The following SNTG2 variants were observed in gnomAD, a reference collection of about 807,000 sequenced individuals.
The protein encoded by SNTG2 is gamma-2-syntrophin.
In SNTG2, 74 loss-of-function variants were observed where a neutral mutation model predicts 70.9. The ratio of observed to expected loss-of-function variants is 1.04; its 90% CI spans 0.86 to 1.27. SNTG2 has a LOEUF of 1.27. Among genes scored for constraint, SNTG2 ranks in the 50% most tolerant of loss-of-function variants. The probability of loss-of-function intolerance (pLI) is 0.00; values close to 1 mark genes in which losing one functional copy is unlikely to be tolerated. For synonymous variants in SNTG2, 278 were observed against 273.8 expected, an observed-to-expected ratio of 1.02 and a Z score of -0.15; for missense variants, 717 against 690.7, an observed-to-expected ratio of 1.04 and a Z score of -0.43.
chr2:1,221,995 G>GCCTA (rs1255125393), intron 9 of SNTG2, among the ~76,000 whole-genome samples: 1 of 2,124 alleles, frequency 4.7e-4, no homozygotes, highest in African/African-American at 8.1e-4. Flanking sequence ...CTCTGTCTCT[G>GCCTA]TCTCTGTCTC....
chr2:1,071,698 T>A (rs1190873791), intron 1 of SNTG2, among the ~76,000 whole-genome samples: 1 of 150,550 alleles, frequency 6.6e-6, no homozygotes, highest in Admixed American at 6.6e-5. Context: ...GGTGTCGTGT[T>A]GAATGCTTAG....
rs776775134 is a variant in SNTG2, at chr2:1,354,442, GA to G, written c.1489-12899del. 9.3e-5 allele frequency among the ~76,000 whole-genome samples: 5 copies of G among 53,798 alleles called. 1 individual carries two copies. Among genetic ancestry groups the G allele is most frequent in the African/African-American group, 5.1e-4 (5 of 9,886 alleles). The allele number at this position is 53,798 out of a possible 152,430, so 35.3% of individuals were successfully genotyped here. On this transcript the variant is annotated intron_variant, in intron 16 of 16. Transcript: ENST00000308624. ...ATACGTTTCCATGGGGGAAGTGGAA[GA>G]ACGCCGGGCTGGAGCTCAGGGACTG...
At chr2:1,100,966 G>A (rs1248429943) in intron 4 of SNTG2, among the ~76,000 whole-genome samples, 3 of 151,940 alleles carry the variant, frequency 2.0e-5, no homozygotes, top group Admixed American at 6.6e-5. Context: ...GTGCCCTCCC[G>A]AGCCTCATCC....
At chr2:1,156,789 G>C (rs1245722453) in intron 6 of SNTG2, among the ~76,000 whole-genome samples, 1 of 152,110 alleles carries the variant, frequency 6.6e-6, no homozygotes, top group African/African-American at 2.4e-5. Context: ...CCCTGCCTGC[G>C]TGGGGGTAGG....
intron 1 of SNTG2, among the ~76,000 whole-genome samples, chr2:1,063,725 A>G (rs1462228419): frequency 1.3e-5 from 2 of 152,234 alleles, no homozygotes; most frequent in African/African-American, 4.8e-5. Flanking sequence ...TTGAAGATAG[A>G]TCAATCACAT....
At chr2:1,069,668 G>A (rs992425881) in intron 1 of SNTG2, among the ~76,000 whole-genome samples, 5 of 152,064 alleles carry the variant, frequency 3.3e-5, no homozygotes, top group Admixed American at 3.3e-4. Flanking sequence ...ACACGTGCCT[G>A]TAGTTCCAGC....
intron 1 of SNTG2, among the ~76,000 whole-genome samples, chr2:1,056,963 A>C (rs1662494642): frequency 1.4e-5 from 1 of 69,040 alleles, no homozygotes; most frequent in African/African-American, 6.0e-5. Flanking sequence ...GTGGGGAGGG[A>C]GGGAGGGAGA....
At chr2:1,194,619 G>A (rs914984886) in intron 8 of SNTG2, among the ~76,000 whole-genome samples, 9 of 152,056 alleles carry the variant, frequency 5.9e-5, no homozygotes, top group African/African-American at 2.2e-4. Flanking sequence ...CATTATGTTT[G>A]TGCTGATTAT....
At chr2:951,178 C>G in intron 1 of SNTG2, 110 bp downstream of exon 1, 1 of 508,512 alleles carries the variant, frequency 2.0e-6, no homozygotes, top group Non-Finnish European at 3.0e-6. Flanking sequence ...CCCGCGACCC[C>G]TTCCCTGTCT....
intron 2 of SNTG2, among the ~76,000 whole-genome samples, chr2:1,089,641 A>G (rs926291097): frequency 1.3e-5 from 2 of 152,132 alleles, no homozygotes; most frequent in African/African-American, 2.4e-5. Flanking sequence ...TCTCAAAATA[A>G]TAATAATAAT....
chr2:967,744 T>G (rs1321974740), intron 1 of SNTG2, among the ~76,000 whole-genome samples: 1 of 152,178 alleles, frequency 6.6e-6, no homozygotes. Context: ...AAGTGTCTTT[T>G]TGTGCCAGGC....
intron 12 of SNTG2, among the ~76,000 whole-genome samples, chr2:1,254,713 A>G (rs1448532390): frequency 2.6e-5 from 4 of 152,228 alleles, no homozygotes; most frequent in African/African-American, 7.2e-5. Flanking sequence ...ATTTCAAGCC[A>G]AGTGTGGCCA....
chr2:1,016,591 A>G (rs1229799552), intron 1 of SNTG2, among the ~76,000 whole-genome samples: 1 of 152,218 alleles, frequency 6.6e-6, no homozygotes, highest in Admixed American at 6.5e-5. Context: ...GGACTTTCTG[A>G]CAGGCTGCCT....
At chr2:954,418 A>G (rs1660077590) in intron 1 of SNTG2, among the ~76,000 whole-genome samples, 1 of 152,220 alleles carries the variant, frequency 6.6e-6, no homozygotes, top group African/African-American at 2.4e-5. Flanking sequence ...GGAAGGTGGA[A>G]AACATGCTTT....
chr2:1,056,976 G>A (rs1463624908), intron 1 of SNTG2, among the ~76,000 whole-genome samples: 3 of 145,184 alleles, frequency 2.1e-5, no homozygotes, highest in South Asian at 4.6e-4. Context: ...GAGGGAGAGC[G>A]CGGGGCCACC....
chr2:1,133,320 A>G (rs1668145602), intron 4 of SNTG2, among the ~76,000 whole-genome samples: 1 of 152,234 alleles, frequency 6.6e-6, no homozygotes, highest in Non-Finnish European at 1.5e-5. Flanking sequence ...ATTCTAATTA[A>G]TTTTCAAGAA....
At chr2:1,290,752 A>G (rs1679957809) in intron 14 of SNTG2, among the ~76,000 whole-genome samples, 3 of 152,222 alleles carry the variant, frequency 2.0e-5, no homozygotes, top group South Asian at 4.1e-4. Context: ...AACAGTGGGA[A>G]ATGCAATACA....
chr2:1,230,002 G>A lies in SNTG2; in HGVS notation c.720-7886G>A, dbSNP rs111889007. On this transcript the variant is annotated intron_variant, in intron 9 of 16. Coordinates refer to ENST00000308624, the MANE Select transcript of SNTG2 (RefSeq NM_018968.4). ...CCTCCACACCTCCCTGCAAGCTGAG[G>A]GAGTGGACTCCAGCCTTGGCCAGCC... Among the ~76,000 whole-genome samples the A allele has an allele frequency of 5.3e-5, 8 of 152,306 alleles. No homozygotes were observed. In the South Asian group the frequency reaches 1.0e-3, roughly 20 times the overall value.
At chr2:1,209,818 G>A (rs1036672291) in intron 9 of SNTG2, among the ~76,000 whole-genome samples, 2 of 152,204 alleles carry the variant, frequency 1.3e-5, no homozygotes, top group Non-Finnish European at 2.9e-5. Context: ...ATGAGTTGGT[G>A]AATTTCCTTT....
Sources: allele counts gnomAD v4.1 joint callset (sites outside exome capture counted in the v4.1 genomes callset), GRCh38; gene constraint gnomAD v4.1.1; transcripts MANE v1.5; gene names NCBI Gene and HGNC (gene_info 2026-07-23, HGNC 2026-07-21).